Variants in MFF observed in about 807,000 individuals in gnomAD.
MFF encodes mitochondrial fission factor.
A neutral mutation model predicts 36.9 loss-of-function variants in MFF; 12 were observed. The ratio of observed to expected loss-of-function variants is 0.33; its 90% CI spans 0.21 to 0.53. The LOEUF (loss-of-function observed/expected upper bound fraction) is 0.53, where lower values mean the gene tolerates loss of function less well. MFF is among the 20% of genes least tolerant of loss of function. MFF has a pLI of 0.95. For missense variants in MFF, 348 were observed against 366.6 expected (o/e 0.95, Z 0.42); for synonymous variants, 99 against 126.2 (o/e 0.78, Z 1.44).
At chr2:227,329,934 A>AAG in intron 2 of MFF, 1 of 515,144 alleles carries the variant, frequency 1.9e-6, no homozygotes, top group Middle Eastern at 3.1e-4. Flanking sequence ...AAAAAAAAAA[A>AAG]CACATGTAAA....
chr2:227,342,939 C>A, intron 5 of MFF: 2 of 712,770 alleles, frequency 2.8e-6, no homozygotes, highest in Non-Finnish European at 4.5e-6. Context: ...TCCTGTTTGG[C>A]TTTTTAGTAC....
At chr2:227,350,806 C>T (rs1044230314) in intron 6 of MFF, among the ~76,000 whole-genome samples, 1 of 152,092 alleles carries the variant, frequency 6.6e-6, no homozygotes. Context: ...TGCCACTCTA[C>T]AAAACATACT....
rs73090113 is a variant in MFF at position 227,355,793 on chromosome 2, C to T, written c.744+32C>T. ...AGTGTACCAAATAAGATATATTTCT[C>T]AGTTATATTCATACAATATTTTAAA... On this transcript the variant is annotated intron_variant, in intron 8 of 8. Transcript: ENST00000304593. The T allele has an allele frequency of 4.2e-4, 545 of 1,298,746 alleles. 1 individual carries two copies. In the African/African-American group the frequency reaches 7.0e-3, roughly 17 times the overall value. 80.5% of individuals were successfully genotyped at this position (1,298,746 alleles called of 1,614,324 possible). A position where few individuals can be genotyped will look rare whatever the true frequency, so the allele number is the denominator to read the frequency against.
chr2:227,329,588 ATTCT>A (rs2074419031), intron 2 of MFF: 2 of 611,756 alleles, frequency 3.3e-6, no homozygotes, highest in South Asian at 1.9e-5. Context: ...ACTGATTTTT[ATTCT>A]TTCTTTTTTA....
intron 3 of MFF, 37 bp downstream of exon 3, chr2:227,330,883 C>T: frequency 6.6e-7 from 1 of 1,521,262 alleles, no homozygotes; most frequent in Non-Finnish European, 9.0e-7. Context: ...CCTGTTAAAT[C>T]TTTGTTTTAT....
chr2:227,329,934 A>AG (rs11393500), intron 2 of MFF: 2 of 515,144 alleles, frequency 3.9e-6, no homozygotes, highest in Middle Eastern at 3.1e-4. Flanking sequence ...AAAAAAAAAA[A>AG]CACATGTAAA....
chr2:227,338,678 A>C (rs2075190266), intron 4 of MFF, among the ~76,000 whole-genome samples: 1 of 151,662 alleles, frequency 6.6e-6, no homozygotes, highest in African/African-American at 2.4e-5. Context: ...GAAAATACAA[A>C]AATGAGCAAG....
intron 4 of MFF, among the ~76,000 whole-genome samples, chr2:227,333,128 G>C (rs2074723840): frequency 6.6e-6 from 1 of 152,204 alleles, no homozygotes; most frequent in Non-Finnish European, 1.5e-5. Flanking sequence ...GCTAACCTTT[G>C]AAGCTGCTTT....
chr2:227,355,625 T>TA, intron 7 of MFF, 52 bp from the exon 8 acceptor site: 1 of 1,064,224 alleles, frequency 9.4e-7, no homozygotes. Flanking sequence ...GCGTGCCATT[T>TA]ACTCTGAGTT....
In MFF at chr2:227,347,353, C is replaced by A. The variant is rs758278774; in HGVS notation, c.568C>A (p.Gln190Lys). ...GTCTTCTACTCGTAGGGCATACCAG[C>A]AGATCTTGGATGTGCTGGATGAAAA... ...IQSSTRRAYQ[Q>K]ILDVLDENRR... Residue 190 changes from glutamine to lysine, a missense_variant, in exon 6 of 9, where the codon CAG becomes AAG. Coordinates refer to ENST00000304593, the MANE Select transcript of MFF (RefSeq NM_001277062.2). 4.3e-6 allele frequency: 7 copies of A among 1,613,584 alleles called. No individual in the cohort carries two copies. The African/African-American group carries it at 8.0e-5, about 18-fold the overall frequency.
At chr2:227,350,702 CAT>C (rs1464650543) in intron 6 of MFF, among the ~76,000 whole-genome samples, 2 of 152,146 alleles carry the variant, frequency 1.3e-5, no homozygotes, top group Non-Finnish European at 2.9e-5. Context: ...CAAAGAAACA[CAT>C]ATTCTGTTAC....
chr2:227,356,151 TAATA>T (rs762069086), intron 8 of MFF, among the ~76,000 whole-genome samples: 10 of 152,246 alleles, frequency 6.6e-5, no homozygotes, highest in Non-Finnish European at 1.2e-4. Context: ...CTGTATTCTG[TAATA>T]AATCCTTTCT....
At chr2:227,339,611 A>G (rs1007796383) in intron 4 of MFF, among the ~76,000 whole-genome samples, 2 of 152,178 alleles carry the variant, frequency 1.3e-5, no homozygotes, top group African/African-American at 2.4e-5. Flanking sequence ...AATATGAGCA[A>G]CCTGGGGAAA....
At chr2:227,329,675 TGTAAA>T in intron 2 of MFF, 1 of 1,112,972 alleles carries the variant, frequency 9.0e-7, no homozygotes, top group South Asian at 1.3e-5. Flanking sequence ...GGAATTGTTG[TGTAAA>T]GTAAACTGAA....
chr2:227,343,680 C>T (rs145241332), intron 5 of MFF, among the ~76,000 whole-genome samples: 3,772 of 152,226 alleles, frequency 0.025, 70 homozygotes, highest in Middle Eastern at 0.054. Flanking sequence ...CCTATGAAAA[C>T]TCAAAGAGGT....
intron 5 of MFF, among the ~76,000 whole-genome samples, chr2:227,343,372 C>T (rs981003733): frequency 1.3e-5 from 2 of 152,206 alleles, no homozygotes; most frequent in East Asian, 3.9e-4. Context: ...TGGAGCACAA[C>T]GTTTTGGTAT....
chr2:227,351,179 T>G (rs938457236), intron 6 of MFF, among the ~76,000 whole-genome samples: 2 of 152,150 alleles, frequency 1.3e-5, no homozygotes, highest in Non-Finnish European at 2.9e-5. Flanking sequence ...ACAGAGTAAA[T>G]ATGTTAGTAG....
At position 227,330,766 on chromosome 2, in the gene MFF, C is replaced by A. The variant is rs766707640; in HGVS notation, c.101C>A (p.Ala34Asp). 3.7e-6 allele frequency: 6 copies of A among 1,614,102 alleles called. No individual in the cohort carries two copies. The highest frequency in any genetic ancestry group is 5.1e-6 in the Non-Finnish European group (6 of 1,180,044). ...AAGTTAAAAGTAGCACCGCCAAACG[C>A]TGACCTGGAACAAGGATTCCAAGAA... ...PEKLKVAPPN[A>D]DLEQGFQEGV... The change falls in exon 3 of 9, where the codon GCT becomes GAT. Residue 34 changes from alanine (A) to aspartate (D), a missense_variant. Transcript: ENST00000304593.
chr2:227,342,376 T>C (rs1267975931), intron 5 of MFF, among the ~76,000 whole-genome samples: 1 of 152,196 alleles, frequency 6.6e-6, no homozygotes, highest in African/African-American at 2.4e-5. Flanking sequence ...ATAATGAACA[T>C]ATTATTCAGT....
Sources: gnomAD v4.1 joint callset for allele counts (sites outside exome capture counted in the v4.1 genomes callset) on GRCh38, gnomAD v4.1.1 for gene constraint, MANE v1.5 for transcripts, NCBI Gene and HGNC (gene_info 2026-07-23, HGNC 2026-07-21) for gene names.